The following SLC39A12 variants were observed in gnomAD, a reference collection of about 807,000 sequenced individuals.
The protein encoded by SLC39A12 is solute carrier family 39 member 12, also known as zinc transporter ZIP12.
SLC39A12 carries 63 observed loss-of-function variants against 71.1 expected under a neutral mutation model. That is an observed-to-expected ratio of 0.89 (90% CI 0.72 to 1.09). The LOEUF (loss-of-function observed/expected upper bound fraction) is 1.09, where lower values mean the gene tolerates loss of function less well. SLC39A12 is among the 50% of genes least tolerant of loss of function. The probability of loss-of-function intolerance (pLI) is 0.00; values close to 1 mark genes in which losing one functional copy is unlikely to be tolerated. For missense variants in SLC39A12, 892 were observed against 812.6 expected (o/e 1.10, Z -1.19); for synonymous variants, 351 against 301.3 (o/e 1.16, Z -1.71).
intron 12 of SLC39A12, among the ~76,000 whole-genome samples, chr10:18,016,454 A>C (rs1189673035): frequency 2.0e-5 from 3 of 152,220 alleles, no homozygotes; most frequent in Non-Finnish European, 4.4e-5. Flanking sequence ...CAGTACATCC[A>C]AATTTGGTTC....
chr10:17,982,262 A>C (rs910465586), intron 6 of SLC39A12, among the ~76,000 whole-genome samples: 1 of 152,178 alleles, frequency 6.6e-6, no homozygotes, highest in African/African-American at 2.4e-5. Context: ...TTCACTGTGA[A>C]GCCCTTGAAC....
chr10:18,008,757 A>G (rs1836111355), intron 12 of SLC39A12: 1 of 152,184 alleles, frequency 6.6e-6, no homozygotes, highest in Non-Finnish European at 1.5e-5. Context: ...CAATTGCTTT[A>G]TAATTTGGTA....
intron 12 of SLC39A12, among the ~76,000 whole-genome samples, chr10:18,029,644 C>T (rs958603537): frequency 6.6e-6 from 1 of 152,128 alleles, no homozygotes; most frequent in Non-Finnish European, 1.5e-5. Flanking sequence ...ATACTCTGTT[C>T]ATCATTTCCC....
chr10:17,980,204 C>T (rs1209447248), intron 5 of SLC39A12, among the ~76,000 whole-genome samples: 4 of 152,108 alleles, frequency 2.6e-5, no homozygotes, highest in Non-Finnish European at 5.9e-5. Context: ...GGTTCTGTTC[C>T]ATGCACCCAA....
At chr10:18,016,325 A>G (rs1005891903) in intron 12 of SLC39A12, among the ~76,000 whole-genome samples, 2 of 152,138 alleles carry the variant, frequency 1.3e-5, no homozygotes, top group African/African-American at 2.4e-5. Flanking sequence ...AAGCATCTTC[A>G]TTTCATAATA....
chr10:17,953,670 A>G, intron 2 of SLC39A12, 133 bp downstream of exon 2: 1 of 1,105,752 alleles, frequency 9.0e-7, no homozygotes, highest in South Asian at 1.7e-5. Context: ...GCATTCTGGT[A>G]AAATAATTTC....
At chr10:17,973,908 T>A (rs867860875) in intron 4 of SLC39A12, among the ~76,000 whole-genome samples, 2,074 of 149,072 alleles carry the variant, frequency 0.014, 40 homozygotes, top group African/African-American at 0.043. Flanking sequence ...TTTTTTTTTT[T>A]AATTCTTTTG....
At chr10:17,968,489 T>C (rs1834889070) in intron 4 of SLC39A12, among the ~76,000 whole-genome samples, 1 of 152,334 alleles carries the variant, frequency 6.6e-6, no homozygotes, top group South Asian at 2.1e-4. Context: ...TTTGGTCATA[T>C]CTTTTCAGCC....
chr10:18,020,469 T>C (rs116753004), intron 12 of SLC39A12, among the ~76,000 whole-genome samples: 2,138 of 152,174 alleles, frequency 0.014, 57 homozygotes, highest in African/African-American at 0.049. Context: ...TTTATATTCT[T>C]TTGGATATAT....
chr10:17,985,348 A>G (rs559193128), intron 6 of SLC39A12, among the ~76,000 whole-genome samples: 16 of 152,310 alleles, frequency 1.1e-4, no homozygotes, highest in African/African-American at 3.8e-4. Context: ...CTCAAAAATA[A>G]AAATAAAATA....
Position 18,041,539 on chromosome 10 carries a change from C to T in SLC39A12, c.1948-1166C>T, listed in dbSNP as rs1050706062. Among the ~76,000 whole-genome samples, 107 of 128,392 alleles carry T rather than the reference C, an allele frequency of 8.3e-4. 4 individuals carry two copies. Among genetic ancestry groups the T allele is most frequent in the African/African-American group, 2.0e-3 (60 of 30,072 alleles). The allele number at this position is 128,392 out of a possible 152,430, so 84.2% of individuals were successfully genotyped here. ...ATATATATATATGTATATATATACA[C>T]ACACACACACACACACACGCACACA... On this transcript the variant is annotated intron_variant, in intron 12 of 12. Coordinates refer to ENST00000377369, the MANE Select transcript of SLC39A12 (RefSeq NM_001145195.2).
chr10:18,036,036 C>T (rs1348915691), intron 12 of SLC39A12, among the ~76,000 whole-genome samples: 1 of 152,116 alleles, frequency 6.6e-6, no homozygotes, highest in Non-Finnish European at 1.5e-5. Flanking sequence ...CTGGGAGAAC[C>T]ACTGCTCTCT....
At chr10:17,991,077 C>A (rs889810845) in intron 7 of SLC39A12, 74 bp from the exon 8 acceptor site, 1 of 1,365,614 alleles carries the variant, frequency 7.3e-7, no homozygotes, top group Non-Finnish European at 9.8e-7. Context: ...ACTGGGCCTA[C>A]TATTTAATAG....
chr10:17,956,582 C>A (rs1303181004), intron 2 of SLC39A12, among the ~76,000 whole-genome samples: 3 of 152,208 alleles, frequency 2.0e-5, no homozygotes, highest in Non-Finnish European at 4.4e-5. Flanking sequence ...TCTGATTCCT[C>A]CTTTTCCAGG....
chr10:18,014,894 AC>A (rs893327711), intron 12 of SLC39A12, among the ~76,000 whole-genome samples: 23 of 152,190 alleles, frequency 1.5e-4, no homozygotes, highest in African/African-American at 5.5e-4. Context: ...TGAAGGGACA[AC>A]CTATGTATGG....
chr10:18,035,906 C>A lies in SLC39A12; in HGVS notation c.1948-6799C>A, dbSNP rs577203716. On this transcript the variant is annotated intron_variant, in intron 12 of 12. Coordinates refer to ENST00000377369, the MANE Select transcript of SLC39A12 (RefSeq NM_001145195.2). ...CTGCAGGTCTGTTGGAATACCCTGC[C>A]GTGTGAGGTGTCAGTGTGCCCCTGC... 5.2e-3 allele frequency among the ~76,000 whole-genome samples: 785 copies of A among 152,098 alleles called. 5 individuals carry two copies. Among genetic ancestry groups the A allele is most frequent in the African/African-American group, 0.018 (742 of 41,486 alleles).
At chr10:18,022,551 G>C (rs1836561590) in intron 12 of SLC39A12, among the ~76,000 whole-genome samples, 1 of 152,034 alleles carries the variant, frequency 6.6e-6, no homozygotes, top group Admixed American at 6.6e-5. Context: ...GGATTCTTTA[G>C]ATTTCTTGGA....
At chr10:17,970,417 A>G (rs1359619677) in intron 4 of SLC39A12, among the ~76,000 whole-genome samples, 2 of 152,178 alleles carry the variant, frequency 1.3e-5, no homozygotes, top group African/African-American at 4.8e-5. Context: ...CCAATCCATG[A>G]ATATGGAATG....
chr10:17,973,398 T>C (rs1835024530), intron 4 of SLC39A12, among the ~76,000 whole-genome samples: 1 of 152,156 alleles, frequency 6.6e-6, no homozygotes, highest in Non-Finnish European at 1.5e-5. Context: ...GTAGTCCCTT[T>C]AGCATTTCTT....
Sources: allele counts gnomAD v4.1 joint callset (sites outside exome capture counted in the v4.1 genomes callset), GRCh38; gene constraint gnomAD v4.1.1; transcripts MANE v1.5; gene names NCBI Gene and HGNC (gene_info 2026-07-23, HGNC 2026-07-21).